The following LPCAT1 variants were observed in gnomAD, a reference collection of about 807,000 sequenced individuals.
LPCAT1 encodes the protein 1-acylglycerol-3-phosphate O-acyltransferase.
In LPCAT1, 23 loss-of-function variants were observed where a neutral mutation model predicts 60.9. That is an observed-to-expected ratio of 0.38 (90% CI 0.27 to 0.53). The LOEUF (loss-of-function observed/expected upper bound fraction) is 0.53. LPCAT1 is among the 20% of genes least tolerant of loss of function. The pLI is 0.82. For synonymous variants in LPCAT1, 340 were observed against 301.1 expected, an observed-to-expected ratio of 1.13 and a Z score of -1.34; for missense variants, 622 against 723.6, an observed-to-expected ratio of 0.86 and a Z score of 1.61.
chr5:1,477,325 G>T lies in LPCAT1; in HGVS notation c.899+79C>A, dbSNP rs1734958579. The T allele has an allele frequency of 8.6e-7, 1 of 1,163,456 alleles. No individual in the cohort carries two copies. The highest frequency in any genetic ancestry group is 1.3e-6 in the Non-Finnish European group (1 of 792,946). 72.1% of individuals were successfully genotyped at this position (1,163,456 alleles called of 1,614,324 possible). A position where few individuals can be genotyped will look rare whatever the true frequency, so the allele number is the denominator to read the frequency against. On this transcript the variant is annotated intron_variant, in intron 9 of 13. Transcript: ENST00000283415. This position sits in a 1 kb window ranked among gnomAD's most constrained non-coding sequence, Gnocchi z 6.0. ...AAGAATGCCTTTTCCTAACGCTGTT[G>T]CCTATTTTAAATATACAGAGAGCAG...
At chr5:1,490,309 C>G (rs1735529555) in intron 3 of LPCAT1, among the ~76,000 whole-genome samples, 1 of 152,166 alleles carries the variant, frequency 6.6e-6, no homozygotes, top group East Asian at 1.9e-4. Context: ...GGAATGGGAC[C>G]TCATTTCGAA....
At chr5:1,470,732 C>T in intron 12 of LPCAT1, 94 bp downstream of exon 12, 1 of 869,120 alleles carries the variant, frequency 1.2e-6, no homozygotes, top group Non-Finnish European at 1.7e-6. Flanking sequence ...GATCAATTAA[C>T]TGATATTATA....
chr5:1,494,729 G>A lies in LPCAT1; in HGVS notation c.464C>T (p.Ala155Val). Reference sequence around the variant, plus strand: ...CCAGATCGGGATGTCTCTGCTCTCTGCCTTCATCACGATGGAGGACATCGT... The same window carrying A: ...CCAGATCGGGATGTCTCTGCTCTCTACCTTCATCACGATGGAGGACATCGT... ...TMTMSSIVMK[A>V]ESRDIPIWGT... Residue 155 changes from alanine (A) to valine (V), a missense_variant, in exon 3 of 14, where the codon GCA becomes GTA. Transcript: ENST00000283415. 1 of 1,614,202 alleles carries A rather than the reference G, an allele frequency of 6.2e-7. No homozygotes were observed. Among genetic ancestry groups the A allele is most frequent in the Non-Finnish European group, 8.5e-7 (1 of 1,180,012 alleles).
intron 11 of LPCAT1, among the ~76,000 whole-genome samples, chr5:1,473,234 G>C (rs1734760773): frequency 6.6e-6 from 1 of 152,240 alleles, no homozygotes; most frequent in Non-Finnish European, 1.5e-5. Context: ...TCACGGGACA[G>C]TCATGGCTGA....
Position 1,494,845 on chromosome 5 carries a change from G to T in LPCAT1, c.348C>A (p.Ala116=), listed in dbSNP as rs143907399. ...TGGGCAGCGCCTGCCGCCCCTTCAC[G>T]GCCACCCGGTGGAAGCCGCCGGCGA... ...MWFAGGFHRV[A]VKGRQALPTE... is the part of the protein sequence containing the mutation. Residue 116 remains alanine (A), a synonymous_variant, in exon 3 of 14, where the codon GCC becomes GCA. Transcript: ENST00000283415. The T allele has an allele frequency of 6.2e-7, 1 of 1,613,296 alleles. No homozygotes were observed. The highest frequency in any genetic ancestry group is 1.3e-5 in the African/African-American group (1 of 74,934).
At chr5:1,490,873 G>A (rs1478478367) in intron 3 of LPCAT1, among the ~76,000 whole-genome samples, 2 of 152,086 alleles carry the variant, frequency 1.3e-5, no homozygotes, top group East Asian at 1.9e-4. Flanking sequence ...ATCCACACTC[G>A]GCGCCCCCCA....
Position 1,481,735 on chromosome 5 carries a change from G to C in LPCAT1, c.727-759C>G, listed in dbSNP as rs982983965. Among the ~76,000 whole-genome samples the C allele has an allele frequency of 9.2e-5, 14 of 152,276 alleles. No homozygotes were observed. The highest frequency in any genetic ancestry group is 3.4e-4 in the African/African-American group (14 of 41,474). The stretch of plus-strand genomic sequence containing the variant: ...TTTTTTGCCCACAGGAGTTGCACTG[G>C]GGCATGGTTTCCGCAGCGGAGGCAG... On this transcript the variant is annotated intron_variant, in intron 6 of 13. Transcript: ENST00000283415. This position sits in a 1 kb window ranked among gnomAD's most constrained non-coding sequence, Gnocchi z 7.8.
intron 13 of LPCAT1, 86 bp from the exon 14 acceptor site, chr5:1,463,921 GGTGTCCACCTC>G: frequency 7.1e-7 from 1 of 1,400,756 alleles, no homozygotes; most frequent in Non-Finnish European, 9.9e-7. Flanking sequence ...GGCCCTGGTG[GGTGTCCACCTC>G]ACGCCCTCCA....
chr5:1,512,607 G>A (rs1579813762), intron 1 of LPCAT1, among the ~76,000 whole-genome samples: 2 of 152,338 alleles, frequency 1.3e-5, no homozygotes, highest in African/African-American at 4.8e-5. Flanking sequence ...ATGAGGCTGT[G>A]CCCTGTGGGC....
rs1579751478 is a variant in LPCAT1, at chr5:1,466,844, G to A, written c.1325C>T (p.Ser442Phe). The change falls in exon 13 of 14, where the codon TCC becomes TTC. Residue 442 changes from serine (S) to phenylalanine (F), a missense_variant. Ser to Phe is a radical substitution (Grantham distance 155, BLOSUM62 -2). Coordinates refer to ENST00000283415, the MANE Select transcript of LPCAT1 (RefSeq NM_024830.5). ...CCCCAGGGCCGTCTTGAGGATGCAG[G>A]ACAGGTCACCTTCGCCGACGCTGCC... ...EDGSVGEGDLSCILKTALGVA... is the reference protein window; with the variant it reads ...EDGSVGEGDLFCILKTALGVA... 3 of 1,611,296 alleles carry A rather than the reference G, an allele frequency of 1.9e-6. No homozygotes were observed. Among genetic ancestry groups the A allele is most frequent in the Non-Finnish European group, 2.5e-6 (3 of 1,178,298 alleles).
rs184050403 is a variant in LPCAT1, at chr5:1,481,877, C to T, written c.727-901G>A. Reference sequence around the variant, plus strand: ...CCATTTTATTACCTGACCGTCAGCTCTCCGGGCAAAGTGAAGCCCGGCAGG... The same window carrying T: ...CCATTTTATTACCTGACCGTCAGCTTTCCGGGCAAAGTGAAGCCCGGCAGG... On this transcript the variant is annotated intron_variant, in intron 6 of 13. Transcript: ENST00000283415. This position sits in a 1 kb window ranked among gnomAD's most constrained non-coding sequence, Gnocchi z 7.8. 1.2e-3 allele frequency among the ~76,000 whole-genome samples: 181 copies of T among 152,380 alleles called. 5 individuals are homozygous for T. The East Asian group carries it at 0.027, about 23-fold the overall frequency.
intron 9 of LPCAT1, among the ~76,000 whole-genome samples, chr5:1,475,028 G>T (rs1734844700): frequency 6.6e-6 from 1 of 152,258 alleles, no homozygotes; most frequent in Non-Finnish European, 1.5e-5. Flanking sequence ...ACCCAGAGAC[G>T]CCAAAGTGAG....
chr5:1,504,799 T>C (rs970455436), intron 1 of LPCAT1, among the ~76,000 whole-genome samples: 14 of 151,638 alleles, frequency 9.2e-5, no homozygotes, highest in Non-Finnish European at 1.5e-5. Context: ...GTTGCCTCCC[T>C]GGGCAGACGC....
intron 10 of LPCAT1, among the ~76,000 whole-genome samples, chr5:1,474,343 C>A (rs1216362096): frequency 2.0e-5 from 3 of 152,222 alleles, no homozygotes; most frequent in South Asian, 2.1e-4. Context: ...TGTGGCAGGA[C>A]ACAGGGTGGC....
chr5:1,474,535 C>T (rs746026211), intron 10 of LPCAT1, 25 bp downstream of exon 10: 17 of 1,612,546 alleles, frequency 1.1e-5, no homozygotes, highest in African/African-American at 1.3e-5. Flanking sequence ...AGCTAATGCT[C>T]AAGGAAGAAG....
At position 1,501,451 on chromosome 5, in the gene LPCAT1, C is replaced by G. The variant is rs749475333; in HGVS notation, c.278+10G>C. The G allele has an allele frequency of 2.8e-5, 45 of 1,605,158 alleles. No individual in the cohort carries two copies. Among genetic ancestry groups the G allele is most frequent in the Non-Finnish European group, 3.7e-5 (44 of 1,176,300 alleles). Reference sequence around the variant, plus strand: ...CCCCAGGAGGAGAGCACGGCACACGCGCAACTTACTTCCTCCACAGGGCCG... The same window carrying G: ...CCCCAGGAGGAGAGCACGGCACACGGGCAACTTACTTCCTCCACAGGGCCG... On this transcript the variant is annotated intron_variant, in intron 2 of 13. Transcript: ENST00000283415.
rs559707089 is a variant in LPCAT1, at chr5:1,509,384, G to GCACTCCTC, written c.136-7789_136-7782dup. 9.6e-4 allele frequency among the ~76,000 whole-genome samples: 146 copies of GCACTCCTC among 152,376 alleles called. 1 individual carries two copies. The South Asian group carries it at 0.029, about 30-fold the overall frequency. On this transcript the variant is annotated intron_variant, in intron 1 of 13. Transcript: ENST00000283415. ...CGCTTGCAAATCCACGAGAGAACGT[G>GCACTCCTC]CACTCCTCCCACGGTGAGAGGGCGA...
At position 1,521,654 on chromosome 5, in the gene LPCAT1, G is replaced by A. The variant is rs189923892; in HGVS notation, c.135+2056C>T. Among the ~76,000 whole-genome samples the A allele has an allele frequency of 5.9e-5, 9 of 152,314 alleles. No homozygotes were observed. The highest frequency in any genetic ancestry group is 2.1e-4 in the South Asian group (1 of 4,832). On this transcript the variant is annotated intron_variant, in intron 1 of 13. Transcript: ENST00000283415. This position sits in a 1 kb window ranked among gnomAD's most constrained non-coding sequence, Gnocchi z 4.3. Reference sequence around the variant, plus strand: ...TACAAACACACCTAATTCCTCAGATGGAACCTCTGAAGTGGCAACAAAGCA... The same window carrying A: ...TACAAACACACCTAATTCCTCAGATAGAACCTCTGAAGTGGCAACAAAGCA...
intron 3 of LPCAT1, among the ~76,000 whole-genome samples, chr5:1,493,552 C>T (rs1312152918): frequency 6.6e-6 from 1 of 152,276 alleles, no homozygotes; most frequent in Non-Finnish European, 1.5e-5. Context: ...CCAGCAGCTC[C>T]TTCCCTCAGC....
Sources: gnomAD v4.1 joint callset for allele counts (sites outside exome capture counted in the v4.1 genomes callset) on GRCh38, gnomAD v4.1.1 for gene constraint, Gnocchi (gnomAD v3.1) non-coding constraint, MANE v1.5 for transcripts, NCBI Gene and HGNC (gene_info 2026-07-23, HGNC 2026-07-21) for gene names.